Variants in HSD17B3 observed in about 807,000 individuals in gnomAD.
HSD17B3 encodes 17-beta-hydroxysteroid dehydrogenase type 3.
Under a neutral mutation model 41.1 loss-of-function variants are expected in HSD17B3, and 29 were observed. The observed-to-expected ratio is 0.71, with a 90% CI of 0.53 to 0.96. HSD17B3 has a LOEUF of 0.96. Among genes scored for constraint, HSD17B3 ranks in the 40% least tolerant of loss-of-function variants. HSD17B3 has a pLI of 0.00. For synonymous variants in HSD17B3, 126 were observed against 145.6 expected (o/e 0.87, Z 0.97); for missense variants, 323 against 374.6 (o/e 0.86, Z 1.14).
intron 2 of HSD17B3, among the ~76,000 whole-genome samples, chr9:96,263,843 G>A (rs886676295): frequency 2.0e-5 from 3 of 152,116 alleles, no homozygotes; most frequent in Non-Finnish European, 4.4e-5. Context: ...TTTCTTTTTT[G>A]TATCCTTTGA....
At chr9:96,282,243 T>G (rs575229980) in intron 2 of HSD17B3, among the ~76,000 whole-genome samples, 2 of 152,254 alleles carry the variant, frequency 1.3e-5, no homozygotes, top group Non-Finnish European at 2.9e-5. Context: ...TGTCTGTGTA[T>G]TTATATATGT....
chr9:96,271,051 C>T (rs1051274451), intron 2 of HSD17B3, among the ~76,000 whole-genome samples: 2 of 151,500 alleles, frequency 1.3e-5, no homozygotes, highest in Middle Eastern at 3.2e-3. Context: ...GCAGTCTTAC[C>T]GATAAGGATG....
At chr9:96,262,026 A>G (rs1474940803) in intron 2 of HSD17B3, among the ~76,000 whole-genome samples, 1 of 152,090 alleles carries the variant, frequency 6.6e-6, no homozygotes, top group Admixed American at 6.5e-5. Context: ...TGTTTCTCCT[A>G]GGAAGGATCA....
intron 6 of HSD17B3, among the ~76,000 whole-genome samples, chr9:96,249,332 A>G (rs1836800489): frequency 6.6e-6 from 1 of 152,222 alleles, no homozygotes; most frequent in Non-Finnish European, 1.5e-5. Context: ...CTTTGATTTA[A>G]CAAATATTTA....
chr9:96,272,429 ATATATATATATATATAT>A (rs1165938847), intron 2 of HSD17B3, among the ~76,000 whole-genome samples: 7 of 69,506 alleles, frequency 1.0e-4, no homozygotes, highest in South Asian at 4.5e-4. Flanking sequence ...ATATATATAT[ATATATATATATATATAT>A]AAAATATATA....
At chr9:96,248,847 G>A (rs965890463) in intron 6 of HSD17B3, among the ~76,000 whole-genome samples, 1 of 151,936 alleles carries the variant, frequency 6.6e-6, no homozygotes, top group Non-Finnish European at 1.5e-5. Flanking sequence ...TTGTGCAGCT[G>A]ACCCTCACCA....
chr9:96,300,305 A>ATTTGAAATATAAGGCC (rs1554705325), intron 1 of HSD17B3, among the ~76,000 whole-genome samples: 2 of 145,178 alleles, frequency 1.4e-5, no homozygotes, highest in African/African-American at 2.5e-5. Context: ...GTCATCCCAA[A>ATTTGAAATATAAGGCC]CAATTTCTCA....
intron 9 of HSD17B3, among the ~76,000 whole-genome samples, chr9:96,241,111 G>A (rs1248031690): frequency 6.6e-6 from 1 of 152,172 alleles, no homozygotes; most frequent in Admixed American, 6.5e-5. Flanking sequence ...AACCTACCTA[G>A]CCAACATCAA....
At chr9:96,251,581 C>T (rs1443088716) in intron 4 of HSD17B3, 96 bp from the exon 5 acceptor site, 17 of 1,116,884 alleles carry the variant, frequency 1.5e-5, no homozygotes, top group Non-Finnish European at 2.1e-5. Flanking sequence ...TAAGGTTGTT[C>T]ATCGCAGCAT....
chr9:96,289,243 G>C (rs1280388731), intron 2 of HSD17B3, among the ~76,000 whole-genome samples: 1 of 151,958 alleles, frequency 6.6e-6, no homozygotes, highest in Non-Finnish European at 1.5e-5. Context: ...ATGGAAGTGG[G>C]TAATGGGGGA....
chr9:96,294,878 C>T (rs1305780282), intron 2 of HSD17B3, among the ~76,000 whole-genome samples: 1 of 151,660 alleles, frequency 6.6e-6, no homozygotes, highest in Non-Finnish European at 1.5e-5. Flanking sequence ...CAGTAAGTTG[C>T]TATACATGAA....
chr9:96,284,168 A>G (rs1286571304), intron 2 of HSD17B3, among the ~76,000 whole-genome samples: 1 of 144,504 alleles, frequency 6.9e-6, no homozygotes, highest in African/African-American at 2.5e-5. Context: ...GTGAGCTGAG[A>G]TCATGCCACT....
chr9:96,259,040 T>C (rs954617632), intron 2 of HSD17B3, among the ~76,000 whole-genome samples: 1 of 152,220 alleles, frequency 6.6e-6, no homozygotes, highest in African/African-American at 2.4e-5. Context: ...GCCATCCAGC[T>C]AGTGCCAGGA....
At chr9:96,277,837 A>ACG (rs1321298954) in intron 2 of HSD17B3, among the ~76,000 whole-genome samples, 3 of 45,696 alleles carry the variant, frequency 6.6e-5, no homozygotes, top group Non-Finnish European at 1.4e-4. Flanking sequence ...AAAATGTGGC[A>ACG]CACACACACA....
At chr9:96,268,594 A>G (rs1013251995) in intron 2 of HSD17B3, among the ~76,000 whole-genome samples, 3 of 152,152 alleles carry the variant, frequency 2.0e-5, no homozygotes, top group East Asian at 1.9e-4. Context: ...AAATTACACA[A>G]TCTTTTTCAA....
intron 9 of HSD17B3, among the ~76,000 whole-genome samples, chr9:96,242,104 A>G (rs1038509921): frequency 1.3e-5 from 2 of 152,084 alleles, no homozygotes; most frequent in Admixed American, 1.3e-4. Context: ...ACATTATTTC[A>G]TAATTGAACC....
intron 2 of HSD17B3, among the ~76,000 whole-genome samples, chr9:96,259,929 C>T (rs1470876037): frequency 6.6e-6 from 1 of 152,150 alleles, no homozygotes; most frequent in Non-Finnish European, 1.5e-5. Context: ...ACAAAGAGTA[C>T]AGTCTTGTCC....
intron 2 of HSD17B3, among the ~76,000 whole-genome samples, chr9:96,277,179 C>T (rs575490943): frequency 4.2e-5 from 6 of 141,966 alleles, no homozygotes; most frequent in South Asian, 2.2e-4. Flanking sequence ...CCAGCCTGGG[C>T]GACAGAGCAA....
At chr9:96,298,329 A>G (rs1379471180) in intron 2 of HSD17B3, 87 bp downstream of exon 2, 11 of 1,033,214 alleles carry the variant, frequency 1.1e-5, no homozygotes. Context: ...CTGCTTTTAT[A>G]TTCAAAAATC....
Sources: gnomAD v4.1 joint callset for allele counts (sites outside exome capture counted in the v4.1 genomes callset) on GRCh38, gnomAD v4.1.1 for gene constraint, MANE v1.5 for transcripts, NCBI Gene and HGNC (gene_info 2026-07-23, HGNC 2026-07-21) for gene names.